HEATR5A: variants seen among roughly 807,000 people sequenced by gnomAD.
The protein encoded by HEATR5A is HEAT repeat containing 5A, also known as HEAT repeat-containing protein 5A.
Under a neutral mutation model 218.8 loss-of-function variants are expected in HEATR5A, and 178 were observed. That is an observed-to-expected ratio of 0.81 (90% CI 0.72 to 0.92). HEATR5A has a LOEUF of 0.92. Ranked by LOEUF, HEATR5A falls within the 40% of genes least tolerant of loss-of-function variation. The probability of loss-of-function intolerance (pLI) is 0.00; values close to 1 mark genes in which losing one functional copy is unlikely to be tolerated. For synonymous variants in HEATR5A, 864 were observed against 871.6 expected (o/e 0.99, Z 0.15); for missense variants, 2,420 against 2,418.9 (o/e 1.00, Z -0.01).
At chr14:31,333,330 C>A (rs1009984661) in intron 22 of HEATR5A, among the ~76,000 whole-genome samples, 1 of 151,966 alleles carries the variant, frequency 6.6e-6, no homozygotes, top group African/African-American at 2.4e-5. Context: ...CTCACTGCAA[C>A]CTCTGCCTCC....
intron 28 of HEATR5A, 57 bp downstream of exon 28, chr14:31,312,906 AAAAAG>A (rs113193812): frequency 2.2e-5 from 31 of 1,384,618 alleles, no homozygotes; most frequent in Non-Finnish European, 3.0e-5. Context: ...AAAAACAAAA[AAAAAG>A]AAAAGAAAAT....
chr14:31,403,109 G>A (rs951038738), intron 1 of HEATR5A, 60 bp from the exon 2 acceptor site: 6 of 754,816 alleles, frequency 7.9e-6, no homozygotes, highest in Admixed American at 6.1e-5. Flanking sequence ...CAATCATAAC[G>A]GAAATCAGAA....
At chr14:31,401,372 C>T (rs2030874388) in intron 2 of HEATR5A, among the ~76,000 whole-genome samples, 1 of 152,168 alleles carries the variant, frequency 6.6e-6, no homozygotes, top group African/African-American at 2.4e-5. Flanking sequence ...GAAGAAGGTC[C>T]TCACTTTCCC....
At chr14:31,407,006 A>G (rs1009050530) in intron 1 of HEATR5A, among the ~76,000 whole-genome samples, 7 of 142,624 alleles carry the variant, frequency 4.9e-5, no homozygotes, top group Admixed American at 1.4e-4. Context: ...AGCGAGAAGT[A>G]GGGCCGGGCA....
intron 16 of HEATR5A, 133 bp from the exon 17 acceptor site, chr14:31,350,850 T>A: frequency 1.7e-6 from 1 of 572,082 alleles, no homozygotes; most frequent in Non-Finnish European, 3.1e-6. Context: ...CCATCTCGGC[T>A]CACTACAACC....
Position 31,408,972 on chromosome 14 carries a change from G to A in HEATR5A, c.-74-5923C>T, listed in dbSNP as rs1483152358. On this transcript the variant is annotated intron_variant, in intron 1 of 35. Coordinates refer to ENST00000543095, the MANE Select transcript of HEATR5A (RefSeq NM_015473.4). Reference sequence around the variant, plus strand: ...CGGGAGGCTGAGGCAGGAGAATGGCGTGAACCCGGGAGGCGGAGCTTGCAG... The same window carrying A: ...CGGGAGGCTGAGGCAGGAGAATGGCATGAACCCGGGAGGCGGAGCTTGCAG... 2.8e-3 allele frequency among the ~76,000 whole-genome samples: 21 copies of A among 7,618 alleles called. 10 individuals are homozygous for A. The highest frequency in any genetic ancestry group is 6.4e-3 in the Admixed American group (2 of 312). The allele number at this position is 7,618 out of a possible 152,430, so 5.0% of individuals were successfully genotyped here.
Position 31,386,591 on chromosome 14 carries a change from G to T in HEATR5A, c.1190-16C>A, listed in dbSNP as rs1281466575. The stretch of plus-strand genomic sequence containing the variant: ...ATTACGGCATCTGATAGAAATGCAA[G>T]AATTAACTATGCATAACCACTGTAT... On this transcript the variant is annotated splice_polypyrimidine_tract_variant and intron_variant, in intron 8 of 35. Transcript: ENST00000543095. The T allele has an allele frequency of 6.4e-7, 1 of 1,560,648 alleles. No homozygotes were observed.
intron 2 of HEATR5A, among the ~76,000 whole-genome samples, chr14:31,402,012 GTTT>G (rs143260672): frequency 1.3e-5 from 2 of 150,368 alleles, no homozygotes; most frequent in African/African-American, 2.5e-5. Flanking sequence ...TTTGTCTTTT[GTTT>G]TTTTTTCCCC....
chr14:31,393,455 G>A (rs892219291), intron 6 of HEATR5A, among the ~76,000 whole-genome samples: 1 of 152,180 alleles, frequency 6.6e-6, no homozygotes, highest in Non-Finnish European at 1.5e-5. Flanking sequence ...AGGTTTCAGT[G>A]AGCTGAGATG....
chr14:31,376,557 C>T (rs1028788820), intron 11 of HEATR5A, among the ~76,000 whole-genome samples: 3 of 152,056 alleles, frequency 2.0e-5, no homozygotes, highest in Non-Finnish European at 2.9e-5. Context: ...CACACATACA[C>T]GCACACTTTA....
chr14:31,334,480 T>C (rs758575646), intron 22 of HEATR5A: 1 of 455,276 alleles, frequency 2.2e-6, no homozygotes, highest in South Asian at 1.6e-5. Context: ...AACAAAGGAT[T>C]CAGAATATTA....
At chr14:31,329,697 G>C (rs1464544509) in intron 22 of HEATR5A, among the ~76,000 whole-genome samples, 1 of 152,032 alleles carries the variant, frequency 6.6e-6, no homozygotes, top group Non-Finnish European at 1.5e-5. Flanking sequence ...TACCACTCTG[G>C]GGTCTAGAGA....
At chr14:31,404,272 GAA>G (rs1251546962) in intron 1 of HEATR5A, among the ~76,000 whole-genome samples, 3 of 152,100 alleles carry the variant, frequency 2.0e-5, no homozygotes, top group Non-Finnish European at 4.4e-5. Flanking sequence ...AATTTCATAG[GAA>G]TGTAGATAAA....
chr14:31,329,418 T>C (rs1181907909), intron 22 of HEATR5A, among the ~76,000 whole-genome samples: 2 of 152,194 alleles, frequency 1.3e-5, no homozygotes, highest in Admixed American at 6.5e-5. Flanking sequence ...GTAAATACTC[T>C]TGTCCCAAAT....
At position 31,313,109 on chromosome 14, in the gene HEATR5A, T is replaced by G. The variant is rs754791599; in HGVS notation, c.4300A>C (p.Asn1434His). The change falls in exon 28 of 36, where the codon AAT becomes CAT. Residue 1434 changes from asparagine to histidine, a missense_variant. Physicochemically the swap from Asn to His is moderately conservative, Grantham distance 68 (BLOSUM62 1). Coordinates refer to ENST00000543095, the MANE Select transcript of HEATR5A (RefSeq NM_015473.4). ...AGTCCATCTGATGAACATGATCCAT[T>G]TCTGATACCGTCTTCTAAACAGGTG... ...TTTCLEDGIRNGSCSSDGLLD... is the reference protein window; with the variant it reads ...TTTCLEDGIRHGSCSSDGLLD... 9.3e-6 allele frequency: 15 copies of G among 1,613,794 alleles called. No homozygotes were observed. The highest frequency in any genetic ancestry group is 5.0e-5 in the Admixed American group (3 of 60,000).
intron 5 of HEATR5A, among the ~76,000 whole-genome samples, chr14:31,394,742 C>T (rs1210040692): frequency 2.0e-5 from 3 of 152,022 alleles, no homozygotes; most frequent in Non-Finnish European, 4.4e-5. Context: ...GGCGTGAACC[C>T]GGGAGGCAGA....
chr14:31,360,425 A>T (rs1901580263), intron 14 of HEATR5A, among the ~76,000 whole-genome samples: 1 of 152,182 alleles, frequency 6.6e-6, no homozygotes, highest in Admixed American at 6.5e-5. Context: ...GGTGCAGGTT[A>T]GTTCATAAGT....
chr14:31,386,792 A>G (rs2030242077), intron 8 of HEATR5A, among the ~76,000 whole-genome samples: 1 of 152,230 alleles, frequency 6.6e-6, no homozygotes, highest in Non-Finnish European at 1.5e-5. Flanking sequence ...TTCCAATCAG[A>G]GACCCCTTAT....
chr14:31,300,624 T>C (rs1899339790), intron 33 of HEATR5A, among the ~76,000 whole-genome samples: 1 of 152,152 alleles, frequency 6.6e-6, no homozygotes, highest in Non-Finnish European at 1.5e-5. Context: ...CCTGGAGCAG[T>C]CCACATTTGA....
Sources: allele counts gnomAD v4.1 joint callset (sites outside exome capture counted in the v4.1 genomes callset), GRCh38; gene constraint gnomAD v4.1.1; transcripts MANE v1.5; gene names NCBI Gene and HGNC (gene_info 2026-07-23, HGNC 2026-07-21).